ARSH: variants seen among roughly 807,000 people sequenced by gnomAD.
ARSH encodes arylsulfatase H.
A neutral mutation model predicts 28.7 loss-of-function variants in ARSH; 32 were observed. The ratio of observed to expected loss-of-function variants is 1.11; its 90% CI spans 0.84 to 1.50. The LOEUF is 1.50. Ranked by LOEUF, ARSH falls within the 40% of genes most tolerant of loss-of-function variation. The pLI is 0.00. For missense variants in ARSH, 440 were observed against 452.4 expected (o/e 0.97, Z 0.25); for synonymous variants, 176 against 177.3 (o/e 0.99, Z 0.06).
chrX:3,033,255 C>T lies in ARSH; in HGVS notation c.1559C>T (p.Thr520Ile), dbSNP rs1252317392. ...MEAAIREHRR[T>I]LTPVPQQFSV... ...GCAGCCATAAGAGAGCATCGTAGGA[C>T]ACTAACACCTGTCCCACAGCAGTTC... The change falls in exon 9 of 9, where the codon ACA becomes ATA. Residue 520 changes from threonine (T) to isoleucine (I), a missense_variant. Coordinates refer to ENST00000381130, the MANE Select transcript of ARSH (RefSeq NM_001011719.2). 8.3e-7 allele frequency: 1 copy of T among 1,209,902 alleles called. No homozygotes were observed. The highest frequency in any genetic ancestry group is 1.7e-5 in the African/African-American group (1 of 57,227).
chrX:3,032,958 G>T, intron 8 of ARSH, 60 bp from the exon 9 acceptor site: 1 of 1,134,397 alleles, frequency 8.8e-7, no homozygotes. Flanking sequence ...CATCTTTAAC[G>T]AAAAGAGTCC....
chrX:3,014,595 T>C (rs901876139), intron 3 of ARSH, among the ~76,000 whole-genome samples: 4 of 111,344 alleles, frequency 3.6e-5, no homozygotes, highest in Non-Finnish European at 7.5e-5. Flanking sequence ...TCCTTGGTAT[T>C]GTCCCCACCA....
intron 8 of ARSH, among the ~76,000 whole-genome samples, chrX:3,031,957 A>G: frequency 9.0e-6 from 1 of 111,050 alleles, no homozygotes; most frequent in Middle Eastern, 4.6e-3. Flanking sequence ...TCACACCTGC[A>G]CTCCATGCAG....
At chrX:3,026,090 G>A (rs1402322811) in intron 6 of ARSH, among the ~76,000 whole-genome samples, 1 of 111,092 alleles carries the variant, frequency 9.0e-6, no homozygotes, top group African/African-American at 3.3e-5. Context: ...TATTAAATAC[G>A]ATGAAGAAAA....
chrX:3,032,989 T>C (rs1282201616), intron 8 of ARSH, 29 bp from the exon 9 acceptor site: 3 of 1,183,085 alleles, frequency 2.5e-6, no homozygotes, highest in African/African-American at 3.5e-5. Context: ...ACAAAGATGG[T>C]ATCATACATA....
intron 8 of ARSH, among the ~76,000 whole-genome samples, chrX:3,031,554 C>G (rs1167631463): frequency 9.0e-6 from 1 of 111,701 alleles, no homozygotes; most frequent in South Asian, 3.8e-4. Context: ...GGAATTTTCT[C>G]TGATGGGATC....
In ARSH at chrX:3,014,995, C is replaced by T. The variant is rs766310189; in HGVS notation, c.366C>T (p.Cys122=). The change falls in exon 4 of 9, where the codon TGC becomes TGT. Residue 122 remains cysteine, a synonymous_variant. Coordinates refer to ENST00000381130, the MANE Select transcript of ARSH (RefSeq NM_001011719.2). ...LIGKWHLGLS[C]ASRNDHCYHP... Reference sequence around the variant, plus strand: ...GCAAATGGCACCTGGGTTTGAGCTGCGCCTCTCGGAATGATCACTGTTACC... The same window carrying T: ...GCAAATGGCACCTGGGTTTGAGCTGTGCCTCTCGGAATGATCACTGTTACC... 6 of 1,208,969 alleles carry T rather than the reference C, an allele frequency of 5.0e-6. No homozygotes were observed. The highest frequency in any genetic ancestry group is 2.3e-4 in the Middle Eastern group (1 of 4,314).
intron 8 of ARSH, among the ~76,000 whole-genome samples, chrX:3,032,645 T>G (rs1225529668): frequency 8.9e-6 from 1 of 112,091 alleles, no homozygotes; most frequent in Non-Finnish European, 1.9e-5. Context: ...AATGATTAAC[T>G]TTGCCAAATT....
chrX:3,012,574 T>TAC (rs2089851523), intron 2 of ARSH, among the ~76,000 whole-genome samples: 1 of 16,674 alleles, frequency 6.0e-5, no homozygotes, highest in Non-Finnish European at 9.1e-5. Flanking sequence ...AAAAAATATA[T>TAC]ATATATATAT....
intron 1 of ARSH, among the ~76,000 whole-genome samples, chrX:3,007,133 C>G (rs1487608586): frequency 9.2e-6 from 1 of 108,953 alleles, no homozygotes; most frequent in Non-Finnish European, 1.9e-5. Flanking sequence ...TCTGTGGTCT[C>G]AGCTACTCAG....
chrX:3,009,864 C>A (rs1004128008), intron 1 of ARSH, among the ~76,000 whole-genome samples, 166 bp from the exon 2 acceptor site: 1 of 111,800 alleles, frequency 8.9e-6, no homozygotes, highest in African/African-American at 3.2e-5. Context: ...TTGCTTCTAA[C>A]CATCAATGCA....
chrX:3,010,208 T>C, intron 2 of ARSH, 57 bp downstream of exon 2: 1 of 1,151,685 alleles, frequency 8.7e-7, no homozygotes, highest in Admixed American at 2.5e-5. Flanking sequence ...TTCTAATGAT[T>C]AGTTTTTGCA....
intron 6 of ARSH, 123 bp from the exon 7 acceptor site, chrX:3,027,190 C>A (rs1213792278): frequency 1.4e-6 from 1 of 690,971 alleles, no homozygotes; most frequent in Non-Finnish European, 2.2e-6. Context: ...GAACTCCTGA[C>A]CTCAAGTGAT....
At chrX:3,020,614 A>G (rs1186254069) in intron 5 of ARSH, among the ~76,000 whole-genome samples, 2 of 106,645 alleles carry the variant, frequency 1.9e-5, no homozygotes, top group African/African-American at 6.8e-5. Flanking sequence ...AAAAAAAAGA[A>G]TACAAGGAAA....
At chrX:3,022,828 G>T (rs192971699) in intron 5 of ARSH, among the ~76,000 whole-genome samples, 27 of 110,995 alleles carry the variant, frequency 2.4e-4, no homozygotes, top group Admixed American at 2.0e-3. Context: ...AGTCTCTAAG[G>T]GAGGTGGTGC....
Position 3,029,373 on chromosome X carries a change from G to A in ARSH, c.1321+5G>A. On this transcript the variant is annotated splice_donor_5th_base_variant and intron_variant, in intron 8 of 8. Coordinates refer to ENST00000381130, the MANE Select transcript of ARSH (RefSeq NM_001011719.2). Reference sequence around the variant, plus strand: ...TCAGGTGGCATCAGAAGGACTGTAAGTATGAAGGCTGTGGACACGTGGAAA... The same window carrying A: ...TCAGGTGGCATCAGAAGGACTGTAAATATGAAGGCTGTGGACACGTGGAAA... 4 of 1,207,021 alleles carry A rather than the reference G, an allele frequency of 3.3e-6. No homozygotes were observed. The highest frequency in any genetic ancestry group is 4.5e-6 in the Non-Finnish European group (4 of 892,812).
At position 3,015,186 on chromosome X, in the gene ARSH, T is replaced by C; in HGVS notation, c.557T>C (p.Phe186Ser). Residue 186 changes from phenylalanine (F) to serine (S), a missense_variant, in exon 4 of 9, where the codon TTC (phenylalanine) becomes TCC (serine). Physicochemically the swap from Phe to Ser is radical, Grantham distance 155 (BLOSUM62 -2). Transcript: ENST00000381130. ...CCTTTTCTGCTTCTCATTCCCAAGT[T>C]CGCCCGCTGGTTCTCAGTGCCATGG... ...LVPFLLLIPKFARWFSVPWKV... is the reference protein window; with the variant it reads ...LVPFLLLIPKSARWFSVPWKV... The C allele has an allele frequency of 3.3e-6, 4 of 1,209,384 alleles. No homozygotes were observed. The highest frequency in any genetic ancestry group is 4.5e-6 in the Non-Finnish European group (4 of 894,342).
chrX:3,010,172 C>T (rs372837016), intron 2 of ARSH, 21 bp downstream of exon 2: 1 of 1,200,507 alleles, frequency 8.3e-7, no homozygotes, highest in African/African-American at 1.8e-5. Flanking sequence ...AAAAAGGCAG[C>T]AACATTTCAG....
intron 5 of ARSH, among the ~76,000 whole-genome samples, chrX:3,020,588 CAAAAAAA>C (rs759581189): frequency 2.3e-5 from 1 of 44,340 alleles, no homozygotes; most frequent in Non-Finnish European, 3.8e-5. Context: ...GACTCAGTCT[CAAAAAAA>C]AAAAAAAAAA....
Sources: allele counts gnomAD v4.1 joint callset (sites outside exome capture counted in the v4.1 genomes callset), GRCh38; gene constraint gnomAD v4.1.1; transcripts MANE v1.5; gene names NCBI Gene and HGNC (gene_info 2026-07-23, HGNC 2026-07-21).